CACNA2D1: variants seen among roughly 807,000 people sequenced by gnomAD.
CACNA2D1 encodes calcium voltage-gated channel auxiliary subunit alpha2delta 1, also known as voltage-dependent calcium channel subunit alpha-2/delta-1.
Under a neutral mutation model 171.5 loss-of-function variants are expected in CACNA2D1, and 53 were observed. The observed-to-expected ratio is 0.31, with a 90% confidence interval of 0.25 to 0.39. The LOEUF is 0.39. Among genes scored for constraint, CACNA2D1 ranks in the 10% least tolerant of loss-of-function variants. The pLI is 1.00. For synonymous variants in CACNA2D1, 442 were observed against 443.1 expected (o/e 1.00, Z 0.03); for missense variants, 903 against 1,299.8 (o/e 0.69, Z 4.69).
intron 1 of CACNA2D1, among the ~76,000 whole-genome samples, chr7:82,387,208 A>C (rs1824508988): frequency 6.6e-6 from 1 of 152,206 alleles, no homozygotes; most frequent in Non-Finnish European, 1.5e-5. Context: ...CATTTTAAAA[A>C]AATAAGTAAC....
At chr7:82,327,781 T>C (rs573477578) in intron 3 of CACNA2D1, among the ~76,000 whole-genome samples, 1 of 152,202 alleles carries the variant, frequency 6.6e-6, no homozygotes, top group Non-Finnish European at 1.5e-5. Context: ...ACTATAATTA[T>C]GTGTTGTTAC....
At chr7:82,066,261 C>T (rs1807584707) in intron 8 of CACNA2D1, among the ~76,000 whole-genome samples, 194 bp downstream of exon 8, 2 of 152,016 alleles carry the variant, frequency 1.3e-5, no homozygotes, top group Admixed American at 6.6e-5. Context: ...AATGGGTTCA[C>T]CTATATTAAT....
intron 38 of CACNA2D1, among the ~76,000 whole-genome samples, chr7:81,955,082 ATAAATGTTAGCTTTT>A (rs1401622737): frequency 6.6e-6 from 1 of 152,196 alleles, no homozygotes; most frequent in Non-Finnish European, 1.5e-5. Flanking sequence ...TCTTTGATTA[ATAAATGTTAGCTTTT>A]TGAGTCTTCA....
intron 6 of CACNA2D1, among the ~76,000 whole-genome samples, chr7:82,095,633 A>T (rs1357268257): frequency 6.6e-6 from 1 of 152,226 alleles, no homozygotes; most frequent in Non-Finnish European, 1.5e-5. Context: ...AACAGTAATA[A>T]CTAGTATGTT....
chr7:82,219,797 A>G (rs541373885), intron 3 of CACNA2D1, among the ~76,000 whole-genome samples: 4 of 152,266 alleles, frequency 2.6e-5, no homozygotes, highest in African/African-American at 9.6e-5. Flanking sequence ...TCTATGCCTT[A>G]TGATTTAGTT....
chr7:82,128,039 T>A (rs543928556), intron 5 of CACNA2D1, among the ~76,000 whole-genome samples: 56 of 151,710 alleles, frequency 3.7e-4, no homozygotes, highest in African/African-American at 1.4e-3. Context: ...TCTTCCCACC[T>A]CAGCCTCCCA....
At chr7:82,187,437 A>G (rs1265982149) in intron 3 of CACNA2D1, among the ~76,000 whole-genome samples, 3 of 152,200 alleles carry the variant, frequency 2.0e-5, no homozygotes, top group Non-Finnish European at 4.4e-5. Context: ...AACAGAAATA[A>G]GGACAATGTA....
At position 82,381,088 on chromosome 7, in the gene CACNA2D1, G is replaced by A. The variant is rs934729904; in HGVS notation, c.96-31439C>T. On this transcript the variant is annotated intron_variant, in intron 1 of 38. Transcript: ENST00000356860. Reference sequence around the variant, plus strand: ...AGCACTCTGGGAGGCCGAGGTGGGCGGATCACGAGGTCAGGAGATCGAGAC... The same window carrying A: ...AGCACTCTGGGAGGCCGAGGTGGGCAGATCACGAGGTCAGGAGATCGAGAC... Among the ~76,000 whole-genome samples, 6 of 151,868 alleles carry A rather than the reference G, an allele frequency of 4.0e-5. No homozygotes were observed. The South Asian group carries it at 6.2e-4, about 16-fold the overall frequency.
At chr7:82,394,604 C>T (rs183357932) in intron 1 of CACNA2D1, among the ~76,000 whole-genome samples, 1 of 152,214 alleles carries the variant, frequency 6.6e-6, no homozygotes, top group Non-Finnish European at 1.5e-5. Context: ...CCTGAAGCGG[C>T]AATAAGCAGG....
chr7:82,313,343 A>C lies in CACNA2D1; in HGVS notation c.294+21792T>G, dbSNP rs1281494543. Among the ~76,000 whole-genome samples, 3 of 152,136 alleles carry C rather than the reference A, an allele frequency of 2.0e-5. No homozygotes were observed. The East Asian group carries it at 5.8e-4, about 29-fold the overall frequency. ...CGGCTATTCAGAGGGCCTGCAGACA[A>C]CAATAGCCCTAAAAAGCTGCCTTTC... On this transcript the variant is annotated intron_variant, in intron 3 of 38. Transcript: ENST00000356860.
At chr7:82,380,222 T>C (rs1041424334) in intron 1 of CACNA2D1, among the ~76,000 whole-genome samples, 1 of 152,144 alleles carries the variant, frequency 6.6e-6, no homozygotes, top group African/African-American at 2.4e-5. Context: ...AAAATTAAAG[T>C]AGGAAAATTA....
intron 3 of CACNA2D1, among the ~76,000 whole-genome samples, chr7:82,232,682 T>G (rs970803617): frequency 6.6e-6 from 1 of 151,352 alleles, no homozygotes; most frequent in East Asian, 2.0e-4. Context: ...TGGCTAACAC[T>G]GTGAAACCCC....
At chr7:82,178,713 A>G (rs1232916611) in intron 3 of CACNA2D1, among the ~76,000 whole-genome samples, 2 of 152,154 alleles carry the variant, frequency 1.3e-5, no homozygotes, top group African/African-American at 4.8e-5. Context: ...TCTAAATAGC[A>G]ATATAATTAT....
At chr7:82,417,776 A>C (rs1180575748) in intron 1 of CACNA2D1, among the ~76,000 whole-genome samples, 1 of 152,198 alleles carries the variant, frequency 6.6e-6, no homozygotes, top group Non-Finnish European at 1.5e-5. Flanking sequence ...AAAGGCAAAG[A>C]TCCTTCTGCC....
At chr7:82,269,423 G>C (rs1035638577) in intron 3 of CACNA2D1, among the ~76,000 whole-genome samples, 1 of 152,060 alleles carries the variant, frequency 6.6e-6, no homozygotes, top group South Asian at 2.1e-4. Context: ...TACTTTTCCA[G>C]CCTCATGTCT....
chr7:82,255,695 C>G (rs1806215790), intron 3 of CACNA2D1, among the ~76,000 whole-genome samples: 1 of 152,176 alleles, frequency 6.6e-6, no homozygotes, highest in African/African-American at 2.4e-5. Flanking sequence ...TATACTGATA[C>G]ATCCAGGAAC....
chr7:82,321,759 T>C (rs889540468), intron 3 of CACNA2D1, among the ~76,000 whole-genome samples: 3 of 152,080 alleles, frequency 2.0e-5, no homozygotes, highest in Admixed American at 6.5e-5. Flanking sequence ...CAAATTTTAG[T>C]GTACACAGGA....
At chr7:82,431,629 C>G (rs1829683126) in intron 1 of CACNA2D1, among the ~76,000 whole-genome samples, 1 of 152,150 alleles carries the variant, frequency 6.6e-6, no homozygotes, top group Non-Finnish European at 1.5e-5. Context: ...GAGATCAAAT[C>G]TGAACTCCTA....
intron 38 of CACNA2D1, among the ~76,000 whole-genome samples, chr7:81,956,905 GAGAACTCAGAAATTTCTTA>G (rs1293793068): frequency 6.6e-6 from 1 of 152,058 alleles, no homozygotes; most frequent in African/African-American, 2.4e-5. Flanking sequence ...GTATTGAATA[GAGAACTCAGAAATTTCTTA>G]AAAGGTTAAT....
Sources: allele counts gnomAD v4.1 joint callset (sites outside exome capture counted in the v4.1 genomes callset), GRCh38; gene constraint gnomAD v4.1.1; transcripts MANE v1.5; gene names NCBI Gene and HGNC (gene_info 2026-07-23, HGNC 2026-07-21).